NUP188: variants seen among roughly 807,000 people sequenced by gnomAD.
The protein encoded by NUP188 is nucleoporin NUP188.
In NUP188, 97 loss-of-function variants were observed where a neutral mutation model predicts 223.0. The ratio of observed to expected loss-of-function variants is 0.43; its 90% CI spans 0.37 to 0.51. The LOEUF (loss-of-function observed/expected upper bound fraction) is 0.51, where lower values mean the gene tolerates loss of function less well. NUP188 is among the 20% of genes least tolerant of loss of function. The pLI, the probability that NUP188 is intolerant of heterozygous loss-of-function variation, is 0.00. For missense variants in NUP188, 1,947 were observed against 2,175.6 expected (o/e 0.89, Z 2.09); for synonymous variants, 869 against 828.0 (o/e 1.05, Z -0.85).
At position 128,959,072 on chromosome 9, in the gene NUP188, C is replaced by T; in HGVS notation, c.523C>T (p.Gln175Ter). ...GAAGGAACTAGTTTCAAAATACAGA[C>T]AGCAGTTCGAAGAGCTTTATAAAAC... ...LEKELVSKYRQQFEELYKTEA... is the reference protein window; with the variant it reads ...LEKELVSKYR The change falls in exon 8 of 44, where the codon CAG (glutamine) becomes TAG (stop). Residue 175 changes from glutamine to a stop codon, truncating the protein, a stop_gained. Coordinates refer to ENST00000372577, the MANE Select transcript of NUP188 (RefSeq NM_015354.3). LOFTEE classifies it high-confidence loss of function. The T allele has an allele frequency of 6.2e-7, 1 of 1,602,688 alleles. No homozygotes were observed. The highest frequency in any genetic ancestry group is 8.5e-7 in the Non-Finnish European group (1 of 1,173,380).
At chr9:128,956,260 TAGTC>T (rs1322823555) in intron 3 of NUP188, 86 bp from the exon 4 acceptor site, 23 of 673,168 alleles carry the variant, frequency 3.4e-5, no homozygotes, top group African/African-American at 2.6e-4. Flanking sequence ...GGGCAGAAAA[TAGTC>T]TGTAGGAAAA....
intron 38 of NUP188, chr9:129,003,928 G>A (rs989806975): frequency 1.3e-4 from 32 of 251,570 alleles, no homozygotes; most frequent in Non-Finnish European, 9.8e-5. Context: ...AGCTAGGATC[G>A]AACCATTACA....
At chr9:128,999,509 C>A in intron 33 of NUP188, 115 bp from the exon 34 acceptor site, 2 of 1,220,308 alleles carry the variant, frequency 1.6e-6, no homozygotes, top group Non-Finnish European at 2.3e-6. Context: ...TGGACAGATG[C>A]TGTCCCTCCT....
chr9:128,991,325 G>A (rs1204609071), intron 25 of NUP188, among the ~76,000 whole-genome samples: 1 of 151,956 alleles, frequency 6.6e-6, no homozygotes, highest in Non-Finnish European at 1.5e-5. Flanking sequence ...GGATCATGAG[G>A]TCAGGGGTTC....
intron 25 of NUP188, 114 bp from the exon 26 acceptor site, chr9:128,993,082 TG>T: frequency 1.2e-6 from 1 of 828,724 alleles, no homozygotes; most frequent in Non-Finnish European, 2.1e-6. Context: ...AGCTGTAGTC[TG>T]GATGCTTCCC....
At chr9:128,957,947 T>G (rs1409173762) in intron 5 of NUP188, 63 bp from the exon 6 acceptor site, 2 of 1,239,216 alleles carry the variant, frequency 1.6e-6, no homozygotes, top group Non-Finnish European at 2.3e-6. Flanking sequence ...GGTATCTATC[T>G]TTTTTTATTA....
Position 128,995,332 on chromosome 9 carries a change from C to T in NUP188, c.3169C>T (p.Gln1057Ter). The change falls in exon 30 of 44, where the codon CAG becomes TAG. Residue 1057 changes from glutamine to a stop codon, truncating the protein, a stop_gained. Transcript: ENST00000372577. LOFTEE classifies it high-confidence loss of function. ...TTGACACTGTAGGGGTTCATTAGAC[C>T]AGTCATTAAAGGATACACTGAAGAA... ...IYYVVKGSLD[Q>*]SLKDTLKKFS... 1 of 1,613,418 alleles carries T rather than the reference C, an allele frequency of 6.2e-7. No homozygotes were observed. The highest frequency in any genetic ancestry group is 8.5e-7 in the Non-Finnish European group (1 of 1,179,418).
Position 128,947,708 on chromosome 9 carries a change from G to A in NUP188, c.-12G>A, listed in dbSNP as rs1318895309. ...GTCTGGGGGCGGGGTTAGGGCGAGC[G>A]GGCGCGCGAAGATGGCGGCGGCCGC... On this transcript the variant is annotated 5_prime_UTR_variant, in exon 1 of 44. Coordinates refer to ENST00000372577, the MANE Select transcript of NUP188 (RefSeq NM_015354.3). 3 of 1,469,208 alleles carry A rather than the reference G, an allele frequency of 2.0e-6. No individual in the cohort carries two copies. Among genetic ancestry groups the A allele is most frequent in the Non-Finnish European group, 2.7e-6 (3 of 1,113,404 alleles). The allele number at this position is 1,469,208 out of a possible 1,614,324, so 91.0% of individuals were successfully genotyped here. A position where few individuals can be genotyped will look rare whatever the true frequency, so the allele number is the denominator to read the frequency against.
intron 11 of NUP188, among the ~76,000 whole-genome samples, chr9:128,972,769 A>C (rs1842120713): frequency 6.6e-6 from 1 of 152,138 alleles, no homozygotes; most frequent in Non-Finnish European, 1.5e-5. Context: ...AGCCTATTTA[A>C]AAGGAAGAAA....
In NUP188 at chr9:128,995,512, CAT is replaced by C; in HGVS notation, c.3350_3351del (p.His1117ArgfsTer8). 1 of 1,580,670 alleles carries C rather than the reference CAT, an allele frequency of 6.3e-7. No individual in the cohort carries two copies. Among genetic ancestry groups the C allele is most frequent in the Non-Finnish European group, 8.6e-7 (1 of 1,165,042 alleles). On this transcript the variant is annotated frameshift_variant and splice_region_variant, in exon 30 of 44. Transcript: ENST00000372577. LOFTEE classifies it high-confidence loss of function. ...WRMLLIIATT[H>X]ADIMHLTDSV... is the part of the protein sequence containing the mutation. ...GATGCTTCTCATCATTGCCACCACT[CAT>C]GTAAGACCCTTTTGGGGAGAGTTTT...
Position 128,998,228 on chromosome 9 carries a change from A to G in NUP188, c.3429A>G (p.Leu1143=), listed in dbSNP as rs1271692327. The G allele has an allele frequency of 6.2e-7, 1 of 1,611,636 alleles. No homozygotes were observed. Among genetic ancestry groups the G allele is most frequent in the Non-Finnish European group, 8.5e-7 (1 of 1,177,842 alleles). ...ACGTGCTTGATGGAACCAAAGCATTAGTAAGTGTGTCTGGGAGATTTTACA... is the reference window on the plus strand; with the variant it reads ...ACGTGCTTGATGGAACCAAAGCATTGGTAAGTGTGTCTGGGAGATTTTACA... ...FLDVLDGTKA[L]LLVPASVNCL... The change falls in exon 31 of 44, where the codon TTA becomes TTG. Residue 1143 remains leucine (L), a splice_region_variant and synonymous_variant. Coordinates refer to ENST00000372577, the MANE Select transcript of NUP188 (RefSeq NM_015354.3).
Position 128,982,374 on chromosome 9 carries a change from G to C in NUP188, c.1517-175G>C, listed in dbSNP as rs1022592861. ...GAACCCAGGAGGTGGAGGTTGCAGC[G>C]AGCCGAGATCGCGCCACTGCACTCC... is the stretch of plus-strand genomic sequence containing the variant. On this transcript the variant is annotated intron_variant, in intron 15 of 43. Coordinates refer to ENST00000372577, the MANE Select transcript of NUP188 (RefSeq NM_015354.3). Among the ~76,000 whole-genome samples the C allele has an allele frequency of 1.3e-5, 2 of 151,734 alleles. 1 individual carries two copies. Among genetic ancestry groups the C allele is most frequent in the South Asian group, 4.2e-4 (2 of 4,802 alleles).
At chr9:128,949,098 C>T (rs180967670) in intron 1 of NUP188, 91 bp from the exon 2 acceptor site, 253 of 884,978 alleles carry the variant, frequency 2.9e-4, no homozygotes, top group Non-Finnish European at 4.4e-4. Context: ...AGATTTTTTG[C>T]TTTTAGAGAG....
chr9:128,979,540 G>A (rs1248186602), intron 13 of NUP188, among the ~76,000 whole-genome samples: 1 of 152,068 alleles, frequency 6.6e-6, no homozygotes, highest in Non-Finnish European at 1.5e-5. Flanking sequence ...ATAGAAAGAG[G>A]CAGCCAGAAC....
intron 8 of NUP188, among the ~76,000 whole-genome samples, chr9:128,966,133 G>A (rs1408743104): frequency 9.9e-5 from 4 of 40,556 alleles, no homozygotes; most frequent in Admixed American, 2.2e-4. Context: ...GCCTCCGTGT[G>A]TGTGTGTGTG....
rs1040282281 is a variant in NUP188, at chr9:128,998,195, C to G, written c.3396C>G (p.Leu1132=). The G allele has an allele frequency of 4.3e-6, 7 of 1,613,966 alleles. No individual in the cohort carries two copies. The African/African-American group carries it at 9.3e-5, about 22-fold the overall frequency. ...HLTDSVVRRQ[L]FLDVLDGTKA... is the part of the protein sequence containing the mutation. ...CTGACTCTGTGGTGCGTCGCCAGCT[C>G]TTTCTTGACGTGCTTGATGGAACCA... The change falls in exon 31 of 44, where the codon CTC becomes CTG. Residue 1132 remains leucine, a synonymous_variant. Transcript: ENST00000372577.
At chr9:129,001,793 C>T (rs1842674366) in intron 35 of NUP188, 64 bp downstream of exon 35, 1 of 1,597,080 alleles carries the variant, frequency 6.3e-7, no homozygotes. Flanking sequence ...TCTGACAATC[C>T]CAGAAGCTGT....
chr9:128,974,980 C>T (rs889836593), intron 12 of NUP188, among the ~76,000 whole-genome samples: 3 of 151,624 alleles, frequency 2.0e-5, no homozygotes, highest in East Asian at 2.0e-4. Context: ...AGGCTGGTCC[C>T]GAACTCCTGA....
At chr9:128,952,415 A>G (rs1372984054) in intron 2 of NUP188, among the ~76,000 whole-genome samples, 1 of 150,394 alleles carries the variant, frequency 6.6e-6, no homozygotes, top group Non-Finnish European at 1.5e-5. Context: ...AAAAAAAAAA[A>G]AGAAAGCACA....
Sources: gnomAD v4.1 joint callset for allele counts (sites outside exome capture counted in the v4.1 genomes callset) on GRCh38, gnomAD v4.1.1 for gene constraint, MANE v1.5 for transcripts, NCBI Gene and HGNC (gene_info 2026-07-23, HGNC 2026-07-21) for gene names.